Variants in TRAF3 observed in about 807,000 individuals in gnomAD.
TRAF3 encodes the protein TNF receptor-associated factor 3.
TRAF3 carries 13 observed loss-of-function variants against 62.3 expected under a neutral mutation model. The observed-to-expected ratio is 0.21, with a 90% CI of 0.14 to 0.33. TRAF3 has a LOEUF of 0.33. Ranked by LOEUF, TRAF3 falls within the 10% of genes least tolerant of loss-of-function variation. TRAF3 has a pLI of 1.00. For missense variants in TRAF3, 440 were observed against 741.8 expected (o/e 0.59, Z 4.73); for synonymous variants, 269 against 283.4 (o/e 0.95, Z 0.51).
chr14:102,871,156 C>G (rs911423710), intron 3 of TRAF3, among the ~76,000 whole-genome samples: 3 of 152,248 alleles, frequency 2.0e-5, no homozygotes, highest in African/African-American at 7.2e-5. Context: ...CTCCTCCTCC[C>G]ACAGCACTCA....
intron 6 of TRAF3, 120 bp downstream of exon 6, chr14:102,876,645 C>G: frequency 7.4e-7 from 1 of 1,346,646 alleles, no homozygotes; most frequent in Non-Finnish European, 1.0e-6. Context: ...CATAGATAAT[C>G]CGTTCCACAG....
chr14:102,799,951 G>A (rs1898294165), intron 1 of TRAF3, among the ~76,000 whole-genome samples: 2 of 152,186 alleles, frequency 1.3e-5, no homozygotes, highest in Admixed American at 1.3e-4. Flanking sequence ...TGTCTCTGAG[G>A]AATTTAATAA....
chr14:102,819,168 A>G (rs368788009), intron 1 of TRAF3, among the ~76,000 whole-genome samples: 4 of 151,436 alleles, frequency 2.6e-5, no homozygotes, highest in African/African-American at 7.3e-5. Context: ...CCCTGCCACT[A>G]TGCTCTGATT....
intron 1 of TRAF3, among the ~76,000 whole-genome samples, chr14:102,801,207 C>T (rs1251729370): frequency 2.6e-5 from 4 of 152,188 alleles, no homozygotes; most frequent in South Asian, 2.1e-4. Flanking sequence ...CTCCTAGACT[C>T]AAGTGATCCT....
intron 6 of TRAF3, among the ~76,000 whole-genome samples, chr14:102,881,395 C>CAAAAAAAAAAAAAAAAAAA (rs57546209): frequency 8.5e-6 from 1 of 117,436 alleles, no homozygotes; most frequent in Non-Finnish European, 2.0e-5. Context: ...ACAACAAAAA[C>CAAAAAAAAAAAAAAAAAAA]AAAAAAAAAA....
At chr14:102,802,601 G>A (rs1374125921) in intron 1 of TRAF3, among the ~76,000 whole-genome samples, 3 of 151,628 alleles carry the variant, frequency 2.0e-5, no homozygotes, top group African/African-American at 7.3e-5. Flanking sequence ...GGTCGAGGTG[G>A]GAGGATCATG....
intron 2 of TRAF3, among the ~76,000 whole-genome samples, chr14:102,860,819 CT>C (rs1887636868): frequency 6.6e-6 from 1 of 152,226 alleles, no homozygotes; most frequent in Non-Finnish European, 1.5e-5. Flanking sequence ...AAATTTTGAG[CT>C]TGCAAAGGCT....
chr14:102,837,155 G>T (rs1886073899), intron 2 of TRAF3, among the ~76,000 whole-genome samples: 1 of 150,850 alleles, frequency 6.6e-6, no homozygotes, highest in Non-Finnish European at 1.5e-5. Flanking sequence ...TTTTTTGGGG[G>T]GGGGTGAAGG....
intron 1 of TRAF3, among the ~76,000 whole-genome samples, chr14:102,802,321 AT>A (rs1196837817): frequency 3.1e-5 from 1 of 32,728 alleles, no homozygotes; most frequent in Non-Finnish European, 5.9e-5. Context: ...TGCCTGGCTA[AT>A]TTTTTGTATT....
intron 1 of TRAF3, among the ~76,000 whole-genome samples, chr14:102,781,098 C>T (rs775742625): frequency 5.1e-4 from 78 of 152,280 alleles, no homozygotes; most frequent in Non-Finnish European, 6.0e-4. Flanking sequence ...AAGAGAAAGT[C>T]TTCTGGGAAG....
At chr14:102,824,270 C>T (rs1900161630) in intron 1 of TRAF3, among the ~76,000 whole-genome samples, 1 of 152,194 alleles carries the variant, frequency 6.6e-6, no homozygotes, top group Non-Finnish European at 1.5e-5. Flanking sequence ...GCCCCTGAGA[C>T]CCTCTGTTGC....
At chr14:102,883,580 T>C (rs1889189631) in intron 6 of TRAF3, among the ~76,000 whole-genome samples, 1 of 151,894 alleles carries the variant, frequency 6.6e-6, no homozygotes, top group South Asian at 2.1e-4. Flanking sequence ...GTTATGCTTT[T>C]TTTTTCTTTC....
Position 102,900,180 on chromosome 14 carries a change from GAAAAAAAAAA to G in TRAF3, c.960+2793_960+2802del, listed in dbSNP as rs56203426. On this transcript the variant is annotated intron_variant, in intron 10 of 11. Coordinates refer to ENST00000392745, the MANE Select transcript of TRAF3 (RefSeq NM_145725.3). ...GGAGAAAGAGCAAGACTCCGTCTCG[GAAAAAAAAAA>G]AAAAAAAAAAAAAGACAGCCTAGGC... 2.7e-4 allele frequency among the ~76,000 whole-genome samples: 25 copies of G among 91,466 alleles called. 1 individual carries two copies. In the Admixed American group the frequency reaches 3.5e-3, roughly 13 times the overall value. 60.0% of individuals were successfully genotyped at this position (91,466 alleles called of 152,430 possible). A position where few individuals can be genotyped will look rare whatever the true frequency, so the allele number is the denominator to read the frequency against.
intron 2 of TRAF3, among the ~76,000 whole-genome samples, chr14:102,840,117 AT>A (rs1305733196): frequency 6.6e-6 from 1 of 152,208 alleles, no homozygotes; most frequent in African/African-American, 2.4e-5. Flanking sequence ...TCAGTGCAGA[AT>A]TTAAAGGGAC....
At chr14:102,782,077 A>C (rs1023407697) in intron 1 of TRAF3, among the ~76,000 whole-genome samples, 1 of 151,782 alleles carries the variant, frequency 6.6e-6, no homozygotes, top group African/African-American at 2.4e-5. Context: ...TACAGGTGTG[A>C]GCCACTGTGC....
At chr14:102,849,333 A>G (rs1203666351) in intron 2 of TRAF3, among the ~76,000 whole-genome samples, 1 of 152,224 alleles carries the variant, frequency 6.6e-6, no homozygotes, top group Non-Finnish European at 1.5e-5. Context: ...TGCTGCCTGC[A>G]CTTGGTTGCA....
At chr14:102,833,280 C>T (rs1002024162) in intron 2 of TRAF3, among the ~76,000 whole-genome samples, 3 of 152,222 alleles carry the variant, frequency 2.0e-5, no homozygotes, top group African/African-American at 7.2e-5. Flanking sequence ...GTTGGATGAT[C>T]TACCCTTTCC....
At chr14:102,800,489 C>T (rs1898329781) in intron 1 of TRAF3, among the ~76,000 whole-genome samples, 1 of 152,188 alleles carries the variant, frequency 6.6e-6, no homozygotes, top group African/African-American at 2.4e-5. Flanking sequence ...GACCGTAGCA[C>T]ATAAAGTGAG....
chr14:102,884,564 C>T (rs987285129), intron 6 of TRAF3, among the ~76,000 whole-genome samples: 7 of 152,120 alleles, frequency 4.6e-5, no homozygotes, highest in Non-Finnish European at 1.0e-4. Flanking sequence ...AATCCCAGCA[C>T]TTTGGGAGGC....
Sources: allele counts gnomAD v4.1 joint callset (sites outside exome capture counted in the v4.1 genomes callset), GRCh38; gene constraint gnomAD v4.1.1; transcripts MANE v1.5; gene names NCBI Gene and HGNC (gene_info 2026-07-23, HGNC 2026-07-21).